The following RPRD2 variants were observed in gnomAD, a reference collection of about 807,000 sequenced individuals.
RPRD2 encodes the protein regulation of nuclear pre-mRNA domain containing 2, also known as regulation of nuclear pre-mRNA domain-containing protein 2.
A neutral mutation model predicts 104.4 loss-of-function variants in RPRD2; 12 were observed. The observed-to-expected ratio is 0.11, with a 90% CI of 0.07 to 0.19. RPRD2 has a LOEUF of 0.19. Ranked by LOEUF, RPRD2 falls within the 10% of genes least tolerant of loss-of-function variation. The pLI is 1.00. For missense variants in RPRD2, 1,543 were observed against 1,790.1 expected, an observed-to-expected ratio of 0.86 and a Z score of 2.49; for synonymous variants, 714 against 684.9, an observed-to-expected ratio of 1.04 and a Z score of -0.66.
chr1:150,447,489 C>T lies in RPRD2; in HGVS notation c.870+1088C>T, dbSNP rs1177827438. ...AGCTGGGATTACAGGCATGTGCCAC[C>T]ACACCTAGCTAATTTCATATTTTTA... On this transcript the variant is annotated intron_variant, in intron 7 of 10. Transcript: ENST00000369068. Among the ~76,000 whole-genome samples the T allele has an allele frequency of 2.0e-5, 3 of 151,428 alleles. No individual in the cohort carries two copies. The East Asian group carries it at 5.9e-4, about 30-fold the overall frequency.
Position 150,457,391 on chromosome 1 carries a change from G to A in RPRD2, c.974G>A (p.Ser325Asn). ...DPEESPVPSP[S>N]MDAPSPTGSE... is the part of the protein sequence containing the mutation. ...GAAGAATCACCAGTTCCTTCCCCAA[G>A]CATGGACGCTCCCTCCCCGACTGGT... is the stretch of plus-strand genomic sequence containing the variant. Residue 325 changes from serine (S) to asparagine (N), a missense_variant, in exon 8 of 11, where the codon AGC becomes AAC. Physicochemically the swap from Ser to Asn is conservative, Grantham distance 46 (BLOSUM62 1). Around this residue, in one of 4 missense-constraint regions of RPRD2, gnomAD observed 572 missense variants for 787.3 expected, o/e 0.73. Transcript: ENST00000369068. 6.2e-7 allele frequency: 1 copy of A among 1,613,762 alleles called. No individual in the cohort carries two copies.
At chr1:150,421,066 A>T (rs181131733) in intron 2 of RPRD2, among the ~76,000 whole-genome samples, 1 of 152,178 alleles carries the variant, frequency 6.6e-6, no homozygotes, top group Non-Finnish European at 1.5e-5. Flanking sequence ...CTATCTTCCA[A>T]TAAGAATAGG....
chr1:150,435,678 A>G (rs147518722), intron 2 of RPRD2, among the ~76,000 whole-genome samples: 326 of 152,374 alleles, frequency 2.1e-3, no homozygotes, highest in Non-Finnish European at 3.4e-3. Context: ...AAATAGGTTC[A>G]TGAGATTTAA....
chr1:150,423,893 A>G (rs1332440944), intron 2 of RPRD2, among the ~76,000 whole-genome samples: 1 of 151,898 alleles, frequency 6.6e-6, no homozygotes, highest in Non-Finnish European at 1.5e-5. Flanking sequence ...CCTGGGTTCA[A>G]GCAGTTCTCC....
chr1:150,403,108 A>G (rs1241830429), intron 1 of RPRD2, among the ~76,000 whole-genome samples: 1 of 152,192 alleles, frequency 6.6e-6, no homozygotes, highest in Non-Finnish European at 1.5e-5. Context: ...AAATAAATGT[A>G]CCAACCTAAG....
chr1:150,431,485 T>TTGTTTGTTTGTTTTTTTTG (rs1473167455), intron 2 of RPRD2, among the ~76,000 whole-genome samples: 1 of 141,954 alleles, frequency 7.0e-6, no homozygotes, highest in East Asian at 2.2e-4. Flanking sequence ...TTTTTTTTTT[T>TTGTTTGTTTGTTTTTTTTG]TTTTTTTTTT....
chr1:150,471,393 C>A lies in RPRD2; in HGVS notation c.2445C>A (p.Asp815Glu). 1.2e-6 allele frequency: 2 copies of A among 1,613,868 alleles called. No homozygotes were observed. The highest frequency in any genetic ancestry group is 1.7e-6 in the Non-Finnish European group (2 of 1,179,884). Residue 815 changes from aspartate to glutamate, a missense_variant, in exon 11 of 11, where the codon GAC (aspartate) becomes GAA (glutamate). Asp to Glu is a conservative substitution (Grantham distance 45). Around this residue, in one of 4 missense-constraint regions of RPRD2, gnomAD observed 880 missense variants for 885.6 expected, o/e 0.99. Transcript: ENST00000369068. This position sits in a 1 kb window ranked among gnomAD's most constrained non-coding sequence, Gnocchi z 5.3. ...TGGAGAGACCATCTTCCCTGATGGA[C>A]TCTTCACAGGAAAAGTTCTACCCAG... is the stretch of plus-strand genomic sequence containing the variant. ...DGMERPSSLMDSSQEKFYPDT... is the reference protein window; with the variant it reads ...DGMERPSSLMESSQEKFYPDT...
In RPRD2 at chr1:150,364,184, A is replaced by T. The variant is rs1659641890; in HGVS notation, c.-531A>T. 6.6e-6 allele frequency among the ~76,000 whole-genome samples: 1 copy of T among 152,228 alleles called. No homozygotes were observed. Among genetic ancestry groups the T allele is most frequent in the Non-Finnish European group, 1.5e-5 (1 of 68,046 alleles). ...CCTTTGCTGCTATTGCGTTGCAAAA[A>T]AAATCCTGACTAGGTAGCCTTGGAC... is the stretch of plus-strand genomic sequence containing the variant. On this transcript the variant is annotated 5_prime_UTR_variant, in exon 1 of 11. Coordinates refer to ENST00000369068, the MANE Select transcript of RPRD2 (RefSeq NM_015203.5).
At position 150,472,539 on chromosome 1, in the gene RPRD2, C is replaced by T. The variant is rs1668658522; in HGVS notation, c.3591C>T (p.Ser1197=). The stretch of plus-strand genomic sequence containing the variant: ...CATTTGAGCATCATCTTCCCCCATC[C>T]CCCTTGGAACATGGGACACCCTTCC... The part of the protein sequence containing the change: ...NSTFEHHLPP[S]PLEHGTPFQR... The change falls in exon 11 of 11, where the codon TCC becomes TCT. Residue 1197 remains serine, a synonymous_variant. Transcript: ENST00000369068. 6.2e-7 allele frequency: 1 copy of T among 1,613,960 alleles called. No homozygotes were observed. The highest frequency in any genetic ancestry group is 2.2e-5 in the East Asian group (1 of 44,874).
At position 150,461,841 on chromosome 1, in the gene RPRD2, A is replaced by G. The variant is rs1032177480; in HGVS notation, c.1411+1524A>G. 9.2e-5 allele frequency among the ~76,000 whole-genome samples: 14 copies of G among 152,114 alleles called. No individual in the cohort carries two copies. The East Asian group carries it at 2.7e-3, about 29-fold the overall frequency. On this transcript the variant is annotated intron_variant, in intron 9 of 10. Coordinates refer to ENST00000369068, the MANE Select transcript of RPRD2 (RefSeq NM_015203.5). ...TAAAAATACAAAAAAATAGCCAGGCATGGTGGCGGGCGCCTGTAGTCCCAG... is the reference window on the plus strand; with the variant it reads ...TAAAAATACAAAAAAATAGCCAGGCGTGGTGGCGGGCGCCTGTAGTCCCAG...
At chr1:150,368,117 T>A (rs1179717453) in intron 1 of RPRD2, among the ~76,000 whole-genome samples, 1 of 151,916 alleles carries the variant, frequency 6.6e-6, no homozygotes, top group East Asian at 1.9e-4. Flanking sequence ...ACCTCGGGCT[T>A]CTTCACATCC....
chr1:150,433,982 A>G (rs1293736510), intron 2 of RPRD2, among the ~76,000 whole-genome samples: 1 of 152,086 alleles, frequency 6.6e-6, no homozygotes, highest in Non-Finnish European at 1.5e-5. Context: ...GAAGCACTGA[A>G]CCATCAATAG....
chr1:150,476,347 AC>A lies in RPRD2; in HGVS notation c.*3014del, dbSNP rs933764978. On this transcript the variant is annotated 3_prime_UTR_variant, in exon 11 of 11. Coordinates refer to ENST00000369068, the MANE Select transcript of RPRD2 (RefSeq NM_015203.5). ...CCTGCAGAATTGAGCTTCAGCTGTT[AC>A]TGTTTTGAAGCCGCTGTAAATTACT... 10 of 152,110 alleles carry A rather than the reference AC, an allele frequency of 6.6e-5. No individual in the cohort carries two copies. Among genetic ancestry groups the A allele is most frequent in the African/African-American group, 2.4e-4 (10 of 41,420 alleles). 9.4% of individuals were successfully genotyped at this position (152,110 alleles called of 1,614,324 possible).
chr1:150,454,919 CA>C (rs11284664), intron 7 of RPRD2, among the ~76,000 whole-genome samples: 91,019 of 151,892 alleles, frequency 0.6, 27,772 homozygotes, highest in African/African-American at 0.65. Context: ...CATCAACTCT[CA>C]AAAAAATGAA....
At chr1:150,455,241 C>T (rs587638269) in intron 7 of RPRD2, among the ~76,000 whole-genome samples, 9 of 152,338 alleles carry the variant, frequency 5.9e-5, no homozygotes, top group African/African-American at 1.2e-4. Flanking sequence ...CGATGGCTTA[C>T]GCCTGTAATC....
chr1:150,429,388 T>C (rs1665399582), intron 2 of RPRD2, among the ~76,000 whole-genome samples: 1 of 151,842 alleles, frequency 6.6e-6, no homozygotes, highest in Admixed American at 6.6e-5. Flanking sequence ...TAGTGGCTTT[T>C]TAACCTCTCA....
chr1:150,460,114 C>A lies in RPRD2; in HGVS notation c.1208C>A (p.Pro403His), dbSNP rs1553898474. The A allele has an allele frequency of 1.9e-6, 3 of 1,613,796 alleles. No individual in the cohort carries two copies. In the African/African-American group the frequency reaches 4.0e-5, roughly 22 times the overall value. The change falls in exon 9 of 11, where the codon CCT (proline) becomes CAT (histidine). Residue 403 changes from proline to histidine, a missense_variant. Coordinates refer to ENST00000369068, the MANE Select transcript of RPRD2 (RefSeq NM_015203.5). ...AAGTCAGCTGTATCCACTTCTGTAC[C>A]TACAAAGCCAACAGAAAATATCTCA... ...AEKSAVSTSVPTKPTENISKA... is the reference protein window; with the variant it reads ...AEKSAVSTSVHTKPTENISKA...
In RPRD2 at chr1:150,457,410, G is replaced by A. The variant is rs782522411; in HGVS notation, c.993G>A (p.Pro331=). The A allele has an allele frequency of 3.3e-5, 54 of 1,613,654 alleles. No individual in the cohort carries two copies. Among genetic ancestry groups the A allele is most frequent in the Admixed American group, 1.5e-4 (9 of 59,944 alleles). Reference sequence around the variant, plus strand: ...CCCCAAGCATGGACGCTCCCTCCCCGACTGGTTCTGAGTCTCCTTTTCAGG... The same window carrying A: ...CCCCAAGCATGGACGCTCCCTCCCCAACTGGTTCTGAGTCTCCTTTTCAGG... ...VPSPSMDAPS[P]TGSESPFQGM... Residue 331 remains proline, a synonymous_variant, in exon 8 of 11, where the codon CCG becomes CCA. Transcript: ENST00000369068.
At chr1:150,456,632 A>C (rs1170768943) in intron 7 of RPRD2, among the ~76,000 whole-genome samples, 1 of 151,882 alleles carries the variant, frequency 6.6e-6, no homozygotes, top group African/African-American at 2.4e-5. Flanking sequence ...TTATTTAAAA[A>C]AAAAAAAAGC....
Sources: allele counts gnomAD v4.1 joint callset (sites outside exome capture counted in the v4.1 genomes callset), GRCh38; gene constraint gnomAD v4.1.1; regional missense constraint gnomAD v4.1.1; non-coding constraint Gnocchi (gnomAD v3.1); transcripts MANE v1.5; gene names NCBI Gene and HGNC (gene_info 2026-07-23, HGNC 2026-07-21).